Variants in EIF4ENIF1 observed in about 807,000 individuals in gnomAD.
EIF4ENIF1 encodes eukaryotic translation initiation factor 4E nuclear import factor 1.
A neutral mutation model predicts 110.5 loss-of-function variants in EIF4ENIF1; 23 were observed. The ratio of observed to expected loss-of-function variants is 0.21; its 90% CI spans 0.15 to 0.29. The LOEUF is 0.29. Ranked by LOEUF, EIF4ENIF1 falls within the 10% of genes least tolerant of loss-of-function variation. The pLI, the probability that EIF4ENIF1 is intolerant of heterozygous loss-of-function variation, is 1.00. For missense variants in EIF4ENIF1, 1,031 were observed against 1,221.1 expected, an observed-to-expected ratio of 0.84 and a Z score of 2.32; for synonymous variants, 440 against 437.0, an observed-to-expected ratio of 1.01 and a Z score of -0.09.
intron 2 of EIF4ENIF1, among the ~76,000 whole-genome samples, chr22:31,472,609 A>C (rs2146038799): frequency 6.6e-6 from 1 of 152,216 alleles, no homozygotes; most frequent in South Asian, 2.1e-4. Context: ...AGACTGAAAA[A>C]ACACAAAAAA....
At chr22:31,440,590 T>A in intron 18 of EIF4ENIF1, 114 bp downstream of exon 18, 1 of 1,322,622 alleles carries the variant, frequency 7.6e-7, no homozygotes, top group Non-Finnish European at 1.0e-6. Flanking sequence ...TGTCCCAAAC[T>A]TAGAACAAGT....
At chr22:31,476,107 A>G (rs1311133219) in intron 2 of EIF4ENIF1, among the ~76,000 whole-genome samples, 1 of 152,232 alleles carries the variant, frequency 6.6e-6, no homozygotes, top group East Asian at 1.9e-4. Flanking sequence ...ACATAATGCT[A>G]CAGGAAAAAC....
intron 2 of EIF4ENIF1, among the ~76,000 whole-genome samples, chr22:31,482,425 T>G (rs1462598964): frequency 6.6e-5 from 10 of 152,060 alleles, no homozygotes; most frequent in Non-Finnish European, 1.5e-4. Flanking sequence ...CTCACGCCTG[T>G]AATCCCAGCA....
chr22:31,455,071 A>G (rs2050774008), intron 9 of EIF4ENIF1, 65 bp downstream of exon 9: 2 of 1,406,256 alleles, frequency 1.4e-6, no homozygotes, highest in Non-Finnish European at 1.9e-6. Flanking sequence ...GTTAGACCCA[A>G]CTGCCTGAAG....
chr22:31,437,681 C>T (rs2050192886), downstream of EIF4ENIF1: 1 of 152,148 alleles, frequency 6.6e-6, no homozygotes, highest in Non-Finnish European at 1.5e-5. Context: ...CCCAGTCCTC[C>T]TTACCTTGCA....
intron 6 of EIF4ENIF1, among the ~76,000 whole-genome samples, chr22:31,460,418 G>T (rs1357668047): frequency 3.3e-5 from 5 of 152,088 alleles, no homozygotes; most frequent in Non-Finnish European, 7.4e-5. Flanking sequence ...TGGATCATGA[G>T]GTCAGGAGAT....
intron 18 of EIF4ENIF1, among the ~76,000 whole-genome samples, 183 bp from the exon 19 acceptor site, chr22:31,440,304 C>T (rs2050251359): frequency 6.6e-6 from 1 of 152,168 alleles, no homozygotes; most frequent in Non-Finnish European, 1.5e-5. Context: ...CTGAGCTATT[C>T]AGAAGCTACC....
At chr22:31,440,557 C>T in intron 18 of EIF4ENIF1, 147 bp downstream of exon 18, 2 of 1,040,274 alleles carry the variant, frequency 1.9e-6, no homozygotes, top group Non-Finnish European at 2.7e-6. Context: ...CAATTTACTT[C>T]ATCTTATTAT....
At chr22:31,442,893 C>A in intron 16 of EIF4ENIF1, 69 bp downstream of exon 16, 1 of 1,580,086 alleles carries the variant, frequency 6.3e-7, no homozygotes, top group South Asian at 1.2e-5. Context: ...TCAGGCTGGT[C>A]AGCGCTCAGG....
chr22:31,488,687 C>CT lies in EIF4ENIF1; in HGVS notation c.31dup (p.Ser11LysfsTer7). On this transcript the variant is annotated frameshift_variant, in exon 2 of 19. Coordinates refer to ENST00000330125, the MANE Select transcript of EIF4ENIF1 (RefSeq NM_019843.4). LOFTEE classifies it high-confidence loss of function. ...CTTCAGGTCAAGGAAAGCATCTCCA[C>CT]TTTCTGTTTCACCCATACTTCTCCT... 1 of 1,614,014 alleles carries CT rather than the reference C, an allele frequency of 6.2e-7. No individual in the cohort carries two copies. The highest frequency in any genetic ancestry group is 2.2e-5 in the East Asian group (1 of 44,872).
chr22:31,492,253 C>A (rs938039547), upstream of EIF4ENIF1, among the ~76,000 whole-genome samples: 1 of 152,214 alleles, frequency 6.6e-6, no homozygotes, highest in African/African-American at 2.4e-5. Flanking sequence ...GGAATCAGTT[C>A]TACCACGTGC....
chr22:31,484,425 C>T (rs1255966448), intron 2 of EIF4ENIF1, among the ~76,000 whole-genome samples: 1 of 152,070 alleles, frequency 6.6e-6, no homozygotes, highest in Non-Finnish European at 1.5e-5. Context: ...AGCAACTGAA[C>T]ACTAAACTAA....
intron 7 of EIF4ENIF1, among the ~76,000 whole-genome samples, chr22:31,456,545 C>T (rs975178193): frequency 1.3e-5 from 2 of 151,540 alleles, no homozygotes; most frequent in Non-Finnish European, 2.9e-5. Flanking sequence ...AAGACAGTCT[C>T]GCTCTGTTGC....
At chr22:31,479,687 GTTTT>G (rs11321585) in intron 2 of EIF4ENIF1, among the ~76,000 whole-genome samples, 1 of 124,812 alleles carries the variant, frequency 8.0e-6, no homozygotes. Context: ...TTGGAAAGGT[GTTTT>G]TTTTTTTTTT....
chr22:31,443,784 T>TA (rs1384827433), intron 15 of EIF4ENIF1, among the ~76,000 whole-genome samples: 11 of 150,218 alleles, frequency 7.3e-5, no homozygotes, highest in South Asian at 2.1e-4. Flanking sequence ...GATTAGATGA[T>TA]AAAGATTTGT....
chr22:31,486,377 T>C (rs544163093), intron 2 of EIF4ENIF1, among the ~76,000 whole-genome samples: 2 of 151,898 alleles, frequency 1.3e-5, no homozygotes, highest in African/African-American at 2.4e-5. Context: ...GGCAGGAGAA[T>C]CGCTTGAACC....
rs755980321 is a variant in EIF4ENIF1, at chr22:31,458,524, A to C, written c.914T>G (p.Phe305Cys). The C allele has an allele frequency of 6.2e-7, 1 of 1,611,850 alleles. No individual in the cohort carries two copies. The highest frequency in any genetic ancestry group is 8.5e-7 in the Non-Finnish European group (1 of 1,178,290). The change falls in exon 7 of 19, where the codon TTT (phenylalanine) becomes TGT (cysteine). Residue 305 changes from phenylalanine to cysteine, a missense_variant. Physicochemically the swap from Phe to Cys is radical, Grantham distance 205 (BLOSUM62 -2). Coordinates refer to ENST00000330125, the MANE Select transcript of EIF4ENIF1 (RefSeq NM_019843.4). ...AVLPEQSPGD[F>C]DFNEFFNLDK... The stretch of plus-strand genomic sequence containing the variant: ...AAGGTTAAAGAACTCATTAAAGTCA[A>C]AGTCTCCTGGGGACTGCTCAGGCAA...
chr22:31,476,792 C>T (rs532862454), intron 2 of EIF4ENIF1, among the ~76,000 whole-genome samples: 1 of 151,930 alleles, frequency 6.6e-6, no homozygotes, highest in South Asian at 2.1e-4. Flanking sequence ...GCTAAGATCA[C>T]ACCACTGCAC....
In EIF4ENIF1 at chr22:31,463,536, GCCGGGTATGGTGGTGCGTGCCTATAAT is replaced by G. The variant is rs975136583; in HGVS notation, c.585+118_585+144del. The G allele has an allele frequency of 5.0e-6, 4 of 802,000 alleles. No homozygotes were observed. In the African/African-American group the frequency reaches 7.0e-5, roughly 14 times the overall value. The allele number at this position is 802,000 out of a possible 1,614,324, so 49.7% of individuals were successfully genotyped here. A position where few individuals can be genotyped will look rare whatever the true frequency, so the allele number is the denominator to read the frequency against. On this transcript the variant is annotated intron_variant, in intron 5 of 18. Coordinates refer to ENST00000330125, the MANE Select transcript of EIF4ENIF1 (RefSeq NM_019843.4). Reference sequence around the variant, plus strand: ...TCTCTACTAAAAATATAAAAAGTTAGCCGGGTATGGTGGTGCGTGCCTATAATCCCAGATACTGGGCTGAGGCAGCAG... The same window carrying G: ...TCTCTACTAAAAATATAAAAAGTTAGCCCAGATACTGGGCTGAGGCAGCAG...
Sources: allele counts gnomAD v4.1 joint callset (sites outside exome capture counted in the v4.1 genomes callset), GRCh38; gene constraint gnomAD v4.1.1; transcripts MANE v1.5; gene names NCBI Gene and HGNC (gene_info 2026-07-23, HGNC 2026-07-21).